Variants in NCAM2 observed in about 807,000 individuals in gnomAD.
NCAM2 encodes the protein N-CAM-2.
Under a neutral mutation model 98.1 loss-of-function variants are expected in NCAM2, and 30 were observed. The observed-to-expected ratio is 0.31, with a 90% CI of 0.23 to 0.41. The LOEUF (loss-of-function observed/expected upper bound fraction) is 0.41. Among genes scored for constraint, NCAM2 ranks in the 10% least tolerant of loss-of-function variants. The pLI is 1.00. For missense variants in NCAM2, 867 were observed against 1,005.8 expected, an observed-to-expected ratio of 0.86 and a Z score of 1.87; for synonymous variants, 368 against 342.4, an observed-to-expected ratio of 1.07 and a Z score of -0.83.
rs144535465 is a variant in NCAM2, at chr21:21,183,127, G to A, written c.56-97451G>A. Among the ~76,000 whole-genome samples, 10 of 152,180 alleles carry A rather than the reference G, an allele frequency of 6.6e-5. No homozygotes were observed. The East Asian group carries it at 1.9e-3, about 29-fold the overall frequency. Reference sequence around the variant, plus strand: ...GAGAAGTTACTAAATCTTAGGCATGGTGCTAAGAATGTTATATAAATTACT... The same window carrying A: ...GAGAAGTTACTAAATCTTAGGCATGATGCTAAGAATGTTATATAAATTACT... On this transcript the variant is annotated intron_variant, in intron 1 of 17. Transcript: ENST00000400546.
intron 6 of NCAM2, among the ~76,000 whole-genome samples, chr21:21,331,685 G>A (rs1479348376): frequency 2.3e-5 from 3 of 132,100 alleles, no homozygotes; most frequent in Non-Finnish European, 4.8e-5. Context: ...TACCTCCCTG[G>A]TTCAGGCAAT....
intron 1 of NCAM2, among the ~76,000 whole-genome samples, chr21:21,116,965 A>G (rs777734456): frequency 3.9e-5 from 6 of 152,146 alleles, no homozygotes; most frequent in African/African-American, 9.7e-5. Context: ...ATTTTTGGGG[A>G]AAAAAACAAT....
chr21:21,457,207 G>T (rs972145633), intron 12 of NCAM2, among the ~76,000 whole-genome samples: 1 of 152,114 alleles, frequency 6.6e-6, no homozygotes, highest in Admixed American at 6.5e-5. Flanking sequence ...TACATAGAAA[G>T]TCTCAGTATT....
At chr21:21,365,272 T>TGTGTGTGTGTGTGTGTG (rs2075758768) in intron 8 of NCAM2, among the ~76,000 whole-genome samples, 1 of 145,222 alleles carries the variant, frequency 6.9e-6, no homozygotes, top group Non-Finnish European at 1.5e-5. Flanking sequence ...TGTGTGTGTG[T>TGTGTGTGTGTGTGTGTG]AAAAACAATG....
chr21:21,142,175 A>G (rs1351777193), intron 1 of NCAM2, among the ~76,000 whole-genome samples: 1 of 152,164 alleles, frequency 6.6e-6, no homozygotes, highest in Non-Finnish European at 1.5e-5. Flanking sequence ...AGCGAAAACA[A>G]CTAATATGAA....
intron 1 of NCAM2, among the ~76,000 whole-genome samples, chr21:21,239,162 T>A (rs948242296): frequency 2.0e-5 from 3 of 152,130 alleles, no homozygotes; most frequent in Admixed American, 1.3e-4. Flanking sequence ...AACAGCAAAA[T>A]CAGATGTTGG....
intron 1 of NCAM2, among the ~76,000 whole-genome samples, chr21:21,069,162 G>A (rs571884012): frequency 7.8e-4 from 118 of 152,138 alleles, no homozygotes; most frequent in Middle Eastern, 3.2e-3. Flanking sequence ...TGTGTGTTAT[G>A]TCCCCATGTA....
intron 1 of NCAM2, among the ~76,000 whole-genome samples, chr21:21,080,949 T>C (rs1461832556): frequency 1.3e-5 from 2 of 152,106 alleles, no homozygotes; most frequent in East Asian, 1.9e-4. Context: ...TGAAATGAAG[T>C]AAATTACACT....
At chr21:21,484,582 G>T (rs1986184023) in intron 15 of NCAM2, among the ~76,000 whole-genome samples, 1 of 151,688 alleles carries the variant, frequency 6.6e-6, no homozygotes, top group Non-Finnish European at 1.5e-5. Context: ...ATATCATATG[G>T]TATATCCTCT....
At chr21:21,082,596 A>G (rs941700856) in intron 1 of NCAM2, among the ~76,000 whole-genome samples, 1 of 152,204 alleles carries the variant, frequency 6.6e-6, no homozygotes, top group Non-Finnish European at 1.5e-5. Flanking sequence ...ACATCATTAT[A>G]TCATTACTTC....
At chr21:21,216,627 AG>A in intron 1 of NCAM2, among the ~76,000 whole-genome samples, 1 of 152,300 alleles carries the variant, frequency 6.6e-6, no homozygotes, top group African/African-American at 2.4e-5. Context: ...GTCCTTAGCC[AG>A]GGGCTGAACC....
At chr21:21,338,768 A>G (rs957820016) in intron 8 of NCAM2, among the ~76,000 whole-genome samples, 2 of 152,116 alleles carry the variant, frequency 1.3e-5, no homozygotes, top group Non-Finnish European at 2.9e-5. Flanking sequence ...CGTTTAGGCT[A>G]TTGGTATTAC....
chr21:21,503,048 A>C (rs985297101), intron 15 of NCAM2, among the ~76,000 whole-genome samples: 1 of 151,944 alleles, frequency 6.6e-6, no homozygotes, highest in Non-Finnish European at 1.5e-5. Flanking sequence ...TTCATGGACA[A>C]ATATTTTAAT....
At chr21:21,222,944 A>G (rs1306498366) in intron 1 of NCAM2, among the ~76,000 whole-genome samples, 4 of 152,178 alleles carry the variant, frequency 2.6e-5, no homozygotes, top group African/African-American at 7.2e-5. Flanking sequence ...AGAAATTGGC[A>G]CAACCACCTC....
chr21:21,070,989 G>A (rs1169181341), intron 1 of NCAM2, among the ~76,000 whole-genome samples: 1 of 152,026 alleles, frequency 6.6e-6, no homozygotes, highest in African/African-American at 2.4e-5. Context: ...AAGGCAAATG[G>A]GAAATAAAGT....
intron 1 of NCAM2, among the ~76,000 whole-genome samples, chr21:21,144,606 CT>C (rs11292466): frequency 0.42 from 62,963 of 151,122 alleles, 13,430 homozygotes; most frequent in African/African-American, 0.51. Context: ...AAATGTCTGT[CT>C]TTTTTTTTCT....
intron 5 of NCAM2, among the ~76,000 whole-genome samples, chr21:21,297,202 G>T (rs1899875): frequency 0.14 from 21,301 of 151,520 alleles, 2,490 homozygotes; most frequent in East Asian, 0.5. Context: ...GAGGAAATGA[G>T]TTAAAAAATG....
intron 2 of NCAM2, 49 bp from the exon 3 acceptor site, chr21:21,284,145 A>C: frequency 2.1e-6 from 3 of 1,452,480 alleles, no homozygotes; most frequent in Non-Finnish European, 2.9e-6. Flanking sequence ...ATGTTCAAAC[A>C]AATATTTTTA....
chr21:21,414,281 T>G (rs1310525412), intron 10 of NCAM2, among the ~76,000 whole-genome samples: 3 of 152,202 alleles, frequency 2.0e-5, no homozygotes, highest in Non-Finnish European at 4.4e-5. Flanking sequence ...AGGGTTGGAA[T>G]CAACTTCTTC....
Sources: gnomAD v4.1 joint callset for allele counts (sites outside exome capture counted in the v4.1 genomes callset) on GRCh38, gnomAD v4.1.1 for gene constraint, MANE v1.5 for transcripts, NCBI Gene and HGNC (gene_info 2026-07-23, HGNC 2026-07-21) for gene names.